Variants in RGP1 observed in about 807,000 individuals in gnomAD.
RGP1 encodes RGP1 partner of RAB6A GEF complex, also known as RAB6A-GEF complex partner protein 2.
In RGP1, 28 loss-of-function variants were observed where a neutral mutation model predicts 44.5. That is an observed-to-expected ratio of 0.63 (90% CI 0.47 to 0.86). RGP1 has a LOEUF of 0.86. RGP1 is among the 40% of genes least tolerant of loss of function. The pLI is 0.00. For missense variants in RGP1, 417 were observed against 490.7 expected, an observed-to-expected ratio of 0.85 and a Z score of 1.42; for synonymous variants, 212 against 196.7, an observed-to-expected ratio of 1.08 and a Z score of -0.65.
chr9:35,778,773 C>T, the RGP1 span, among the ~76,000 whole-genome samples: 2 of 152,170 alleles, frequency 1.3e-5, no homozygotes, highest in African/African-American at 2.4e-5. Context: ...GATCCTTTAG[C>T]TCCTAGATCC....
chr9:35,760,590 G>T (rs1827409609), downstream of RGP1, among the ~76,000 whole-genome samples: 1 of 152,112 alleles, frequency 6.6e-6, no homozygotes, highest in South Asian at 2.1e-4. Context: ...TTAAAAGTGT[G>T]GTCTTTGACT....
chr9:35,773,266 C>T, the RGP1 span, among the ~76,000 whole-genome samples: 2,387 of 152,078 alleles, frequency 0.016, 47 homozygotes, highest in African/African-American at 0.055. Context: ...TGGTGAATGC[C>T]TATAATCCCA....
the RGP1 span, among the ~76,000 whole-genome samples, chr9:35,766,130 T>C: frequency 9.0e-4 from 134 of 148,190 alleles, 2 homozygotes; most frequent in African/African-American, 3.3e-3. Flanking sequence ...GTGCCGGCCT[T>C]AGTATTGTCA....
At chr9:35,767,262 T>C in the RGP1 span, among the ~76,000 whole-genome samples, 573 of 151,670 alleles carry the variant, frequency 3.8e-3, 1 homozygote, top group African/African-American at 0.013. Context: ...TAATGCTCTT[T>C]TCTTTGGTTT....
At chr9:35,777,108 A>G in the RGP1 span, among the ~76,000 whole-genome samples, 4 of 145,410 alleles carry the variant, frequency 2.8e-5, no homozygotes, top group African/African-American at 1.0e-4. Context: ...ACATGAAGTT[A>G]TCTAAATCAG....
downstream of RGP1, among the ~76,000 whole-genome samples, chr9:35,759,567 C>CAAA (rs57938702): frequency 1.1e-3 from 44 of 38,308 alleles, 2 homozygotes; most frequent in South Asian, 3.8e-3. Context: ...ACCCTGTCTC[C>CAAA]AAAAAAAAAA....
chr9:35,779,345 T>A, the RGP1 span, among the ~76,000 whole-genome samples: 1 of 151,130 alleles, frequency 6.6e-6, no homozygotes, highest in East Asian at 1.9e-4. Context: ...CAAGGGAGTA[T>A]GAAAGAGATC....
chr9:35,767,987 G>T, the RGP1 span, among the ~76,000 whole-genome samples: 1 of 152,056 alleles, frequency 6.6e-6, no homozygotes, highest in East Asian at 1.9e-4. Flanking sequence ...TTTTAGTAGA[G>T]ACAGGGTTTC....
At chr9:35,766,147 TAAAAAAAA>T in the RGP1 span, among the ~76,000 whole-genome samples, 4 of 125,118 alleles carry the variant, frequency 3.2e-5, no homozygotes, top group African/African-American at 9.2e-5. Context: ...GTCAGTTTCT[TAAAAAAAA>T]AAAAAAAAAA....
At position 35,751,655 on chromosome 9, in the gene RGP1, G is replaced by A. The variant is rs762061070; in HGVS notation, c.663G>A (p.Gly221=). 9.9e-6 allele frequency: 16 copies of A among 1,614,024 alleles called. No individual in the cohort carries two copies. Among genetic ancestry groups the A allele is most frequent in the Non-Finnish European group, 1.4e-5 (16 of 1,179,888 alleles). ...LHLYNISDGR[G]KVGTFGIFKS... is the part of the protein sequence containing the mutation. ...TATACAATATCAGTGATGGCCGAGG[G>A]AAAGTTGGGACGTTTGGCATCTTCA... Residue 221 remains glycine (G), a synonymous_variant, in exon 7 of 9, where the codon GGG becomes GGA. Transcript: ENST00000378078.
the RGP1 span, among the ~76,000 whole-genome samples, chr9:35,766,084 C>A: frequency 6.7e-6 from 1 of 150,368 alleles, no homozygotes; most frequent in African/African-American, 2.5e-5. Context: ...CCCACCTCGG[C>A]CTCCCAAAGT....
rs936218325 is a variant in RGP1, at chr9:35,757,793, T to G, written c.*4919T>G. 6 of 152,246 alleles carry G rather than the reference T, an allele frequency of 3.9e-5. 1 individual carries two copies. Among genetic ancestry groups the G allele is most frequent in the Non-Finnish European group, 1.5e-5 (1 of 68,048 alleles). The allele number at this position is 152,246 out of a possible 1,614,324, so 9.4% of individuals were successfully genotyped here. On this transcript the variant is annotated 3_prime_UTR_variant, in exon 9 of 9. Transcript: ENST00000378078. ...CTTAAAAGCAAGGTTGTCTGCGTCTTGGATTACTGTCTGCCATTCAGCCTT... is the reference window on the plus strand; with the variant it reads ...CTTAAAAGCAAGGTTGTCTGCGTCTGGGATTACTGTCTGCCATTCAGCCTT...
At chr9:35,759,703 T>G (rs919692971), downstream of RGP1, among the ~76,000 whole-genome samples, 2 of 149,692 alleles carry the variant, frequency 1.3e-5, no homozygotes, top group Admixed American at 1.3e-4. Flanking sequence ...CCACCTATCT[T>G]GGGGGTGATT....
chr9:35,765,176 T>G, the RGP1 span, among the ~76,000 whole-genome samples: 3 of 152,082 alleles, frequency 2.0e-5, no homozygotes, highest in Non-Finnish European at 2.9e-5. Context: ...ATTCATTGTA[T>G]GGACATACAG....
chr9:35,759,567 CAAAAAAAAAAAAAAAAA>C (rs57938702), downstream of RGP1, among the ~76,000 whole-genome samples: 49 of 38,314 alleles, frequency 1.3e-3, no homozygotes, highest in African/African-American at 4.2e-3. Context: ...ACCCTGTCTC[CAAAAAAAAAAAAAAAAA>C]AAAAAAAAAA....
In RGP1 at chr9:35,751,001, C is replaced by T; in HGVS notation, c.487+12C>T. The T allele has an allele frequency of 6.2e-7, 1 of 1,612,942 alleles. No homozygotes were observed. Among genetic ancestry groups the T allele is most frequent in the Non-Finnish European group, 8.5e-7 (1 of 1,179,696 alleles). On this transcript the variant is annotated intron_variant, in intron 5 of 8. Transcript: ENST00000378078. ...TCTTGTGCTGACTGGTAAGCAAGGG[C>T]TCCTGGAGGGAAGGGCTGGGGAAGG...
the RGP1 span, among the ~76,000 whole-genome samples, chr9:35,778,815 TG>T: frequency 1.3e-5 from 2 of 152,224 alleles, no homozygotes; most frequent in Non-Finnish European, 2.9e-5. Context: ...TAAAATGTTG[TG>T]GAATAATATG....
In RGP1 at chr9:35,755,938, C is replaced by T. The variant is rs1167100002; in HGVS notation, c.*3064C>T. On this transcript the variant is annotated 3_prime_UTR_variant, in exon 9 of 9. Coordinates refer to ENST00000378078, the MANE Select transcript of RGP1 (RefSeq NM_001080496.3). ...CTGTTCCCAATAAGCCTTCTTCCCC[C>T]AGATCTGCACCCTCGCCTCTACCCT... 1 of 152,096 alleles carries T rather than the reference C, an allele frequency of 6.6e-6. No individual in the cohort carries two copies. The highest frequency in any genetic ancestry group is 1.5e-5 in the Non-Finnish European group (1 of 68,022). 9.4% of individuals were successfully genotyped at this position (152,096 alleles called of 1,614,324 possible).
At chr9:35,771,055 T>C in the RGP1 span, among the ~76,000 whole-genome samples, 1 of 152,206 alleles carries the variant, frequency 6.6e-6, no homozygotes, top group South Asian at 2.1e-4. Flanking sequence ...TTCTAGAAGC[T>C]GAACTTAATT....
Sources: gnomAD v4.1 joint callset for allele counts (sites outside exome capture counted in the v4.1 genomes callset) on GRCh38, gnomAD v4.1.1 for gene constraint, MANE v1.5 for transcripts, NCBI Gene and HGNC (gene_info 2026-07-23, HGNC 2026-07-21) for gene names.